Variants in DCLK1 observed in about 807,000 individuals in gnomAD.
DCLK1 encodes the protein serine/threonine-protein kinase DCLK1.
Under a neutral mutation model 86.2 loss-of-function variants are expected in DCLK1, and 16 were observed. That is an observed-to-expected ratio of 0.19 (90% CI 0.13 to 0.28). DCLK1 has a LOEUF of 0.28. DCLK1 is among the 10% of genes least tolerant of loss of function. DCLK1 has a pLI of 1.00. For missense variants in DCLK1, 590 were observed against 940.2 expected (o/e 0.63, Z 4.87); for synonymous variants, 369 against 370.5 (o/e 1.00, Z 0.05).
chr13:35,972,515 T>C (rs1178396077), intron 3 of DCLK1, among the ~76,000 whole-genome samples: 1 of 151,570 alleles, frequency 6.6e-6, no homozygotes, highest in East Asian at 1.9e-4. Flanking sequence ...AGATGGGGAG[T>C]CTGATTACAA....
chr13:35,838,758 C>A (rs1869580049), intron 7 of DCLK1, among the ~76,000 whole-genome samples: 1 of 152,158 alleles, frequency 6.6e-6, no homozygotes, highest in African/African-American at 2.4e-5. Context: ...TAAAGTAACA[C>A]TAAAAGTGAA....
At chr13:36,095,434 G>A (rs1884978272) in intron 3 of DCLK1, among the ~76,000 whole-genome samples, 1 of 151,992 alleles carries the variant, frequency 6.6e-6, no homozygotes, top group South Asian at 2.1e-4. Context: ...TCGAACTCCT[G>A]AGCTCAGGCA....
rs1032814921 is a variant in DCLK1 at position 35,936,981 on chromosome 13, T to C, written c.823+10377A>G. Among the ~76,000 whole-genome samples the C allele has an allele frequency of 2.1e-5, 3 of 141,738 alleles. No individual in the cohort carries two copies. In the South Asian group the frequency reaches 7.1e-4, roughly 33 times the overall value. 93.0% of individuals were successfully genotyped at this position (141,738 alleles called of 152,430 possible). ...AGTTAGCTTTTTTTTTTTTTTTTTT[T>C]TTTTTTGAGACGGAGTCTCTCTCTG... is the stretch of plus-strand genomic sequence containing the variant. On this transcript the variant is annotated intron_variant, in intron 4 of 16. Transcript: ENST00000360631.
rs1443244742 is a variant in DCLK1 at position 35,822,830 on chromosome 13, C to T, written c.1453G>A (p.Glu485Lys). 3 of 1,613,504 alleles carry T rather than the reference C, an allele frequency of 1.9e-6. No homozygotes were observed. The highest frequency in any genetic ancestry group is 2.5e-6 in the Non-Finnish European group (3 of 1,179,960). Residue 485 changes from glutamate to lysine, a missense_variant, in exon 11 of 17, where the codon GAG becomes AAG. Physicochemically the swap from Glu to Lys is moderately conservative, Grantham distance 56. Transcript: ENST00000360631. ...TACAGCATCCCACTGGCGTCTCTCT[C>T]GGTGTATTTGTTAGTGGAAGTAATG... ...DAITSTNKYT[E>K]RDASGMLYNL...
chr13:35,902,946 CAATT>C (rs1874465574), intron 4 of DCLK1, among the ~76,000 whole-genome samples: 1 of 151,808 alleles, frequency 6.6e-6, no homozygotes, highest in African/African-American at 2.4e-5. Context: ...ATCATTCAAA[CAATT>C]AAATAATAAT....
intron 3 of DCLK1, among the ~76,000 whole-genome samples, chr13:35,988,648 GCTT>G (rs1355546872): frequency 6.6e-6 from 1 of 152,170 alleles, no homozygotes; most frequent in Non-Finnish European, 1.5e-5. Context: ...CTCAATCTGT[GCTT>G]CTTAAATCTA....
intron 3 of DCLK1, among the ~76,000 whole-genome samples, chr13:36,108,765 T>C (rs1218295466): frequency 6.6e-6 from 1 of 152,232 alleles, no homozygotes; most frequent in African/African-American, 2.4e-5. Context: ...AATTCCCATA[T>C]TGTTTATGGA....
rs546690018 is a variant in DCLK1 at position 35,774,463 on chromosome 13, T to C, written c.*72A>G. On this transcript the variant is annotated 3_prime_UTR_variant, in exon 17 of 17. Coordinates refer to ENST00000360631, the MANE Select transcript of DCLK1 (RefSeq NM_001330071.2). Reference sequence around the variant, plus strand: ...CTAGATAGATCAGATGAAACTGTTTTACACAAATTTGGGGGAAAAAAATCT... The same window carrying C: ...CTAGATAGATCAGATGAAACTGTTTCACACAAATTTGGGGGAAAAAAATCT... 2.9e-5 allele frequency: 44 copies of C among 1,524,274 alleles called. No homozygotes were observed. The African/African-American group carries it at 5.4e-4, about 19-fold the overall frequency. 94.4% of individuals were successfully genotyped at this position (1,524,274 alleles called of 1,614,324 possible).
intron 4 of DCLK1, among the ~76,000 whole-genome samples, chr13:35,902,697 C>T (rs1021578076): frequency 5.3e-5 from 8 of 152,084 alleles, no homozygotes; most frequent in South Asian, 4.2e-4. Context: ...GTTCTTAAGG[C>T]GGTGGGGGGT....
chr13:35,945,215 A>G (rs9635043), intron 4 of DCLK1, among the ~76,000 whole-genome samples: 4,104 of 152,304 alleles, frequency 0.027, 213 homozygotes, highest in East Asian at 0.23. Context: ...GCATTGAGAA[A>G]TAATTCTAAG....
At chr13:35,779,228 G>A (rs1185585531) in intron 16 of DCLK1, among the ~76,000 whole-genome samples, 3 of 151,928 alleles carry the variant, frequency 2.0e-5, no homozygotes, top group Admixed American at 2.0e-4. Flanking sequence ...CACCTGCCTC[G>A]GCCTCCCAAA....
intron 3 of DCLK1, among the ~76,000 whole-genome samples, chr13:36,084,536 A>G (rs952043011): frequency 2.7e-5 from 4 of 150,366 alleles, no homozygotes; most frequent in African/African-American, 1.0e-4. Context: ...GAACTGAATT[A>G]TAAAGGAGGG....
chr13:35,933,480 C>T lies in DCLK1; in HGVS notation c.823+13878G>A, dbSNP rs568743032. Among the ~76,000 whole-genome samples the T allele has an allele frequency of 3.9e-4, 59 of 152,352 alleles. 1 individual carries two copies. The highest frequency in any genetic ancestry group is 3.4e-3 in the Middle Eastern group (1 of 294). ...CCCTGCTCCTGCAGTAAACTTGTGC[C>T]TGGGCATCCAGGCATTTCCATACAC... is the stretch of plus-strand genomic sequence containing the variant. On this transcript the variant is annotated intron_variant, in intron 4 of 16. Coordinates refer to ENST00000360631, the MANE Select transcript of DCLK1 (RefSeq NM_001330071.2).
intron 3 of DCLK1, among the ~76,000 whole-genome samples, chr13:35,975,683 G>C (rs1431053277): frequency 6.6e-6 from 1 of 152,112 alleles, no homozygotes; most frequent in Non-Finnish European, 1.5e-5. Flanking sequence ...TCTTGGGTTG[G>C]GGCATCATAC....
At chr13:36,082,335 C>T (rs1170915003) in intron 3 of DCLK1, among the ~76,000 whole-genome samples, 1 of 152,056 alleles carries the variant, frequency 6.6e-6, no homozygotes, top group Admixed American at 6.6e-5. Flanking sequence ...CCCTAGCTTA[C>T]TTTATTATAA....
intron 3 of DCLK1, among the ~76,000 whole-genome samples, chr13:36,092,907 C>A (rs1157272001): frequency 6.6e-6 from 1 of 152,090 alleles, no homozygotes; most frequent in Non-Finnish European, 1.5e-5. Context: ...TAGGCAAGAG[C>A]CCAGGCTGCA....
At chr13:35,907,739 C>T (rs913312298) in intron 4 of DCLK1, among the ~76,000 whole-genome samples, 4 of 151,280 alleles carry the variant, frequency 2.6e-5, no homozygotes, top group Non-Finnish European at 5.9e-5. Context: ...GATTAGGGGA[C>T]ACTATGGCTC....
At chr13:36,053,293 C>T (rs139557259) in intron 3 of DCLK1, among the ~76,000 whole-genome samples, 9 of 152,048 alleles carry the variant, frequency 5.9e-5, no homozygotes, top group East Asian at 1.9e-4. Context: ...GTCTAGCGAG[C>T]GGGGCAGGTA....
At chr13:35,988,921 G>T (rs1045925765) in intron 3 of DCLK1, among the ~76,000 whole-genome samples, 1 of 152,042 alleles carries the variant, frequency 6.6e-6, no homozygotes, top group African/African-American at 2.4e-5. Context: ...AACTCACAGG[G>T]TATCATCAGC....
Sources: allele counts gnomAD v4.1 joint callset (sites outside exome capture counted in the v4.1 genomes callset), GRCh38; gene constraint gnomAD v4.1.1; transcripts MANE v1.5; gene names NCBI Gene and HGNC (gene_info 2026-07-23, HGNC 2026-07-21).